The following NELFCD variants were observed in gnomAD, a reference collection of about 807,000 sequenced individuals.
NELFCD encodes negative elongation factor C/D.
NELFCD carries 48 observed loss-of-function variants against 72.9 expected under a neutral mutation model. The ratio of observed to expected loss-of-function variants is 0.66; its 90% confidence interval spans 0.52 to 0.84. The LOEUF (loss-of-function observed/expected upper bound fraction) is 0.84, where lower values mean the gene tolerates loss of function less well. Ranked by LOEUF, NELFCD falls within the 40% of genes least tolerant of loss-of-function variation. The pLI is 0.00. For synonymous variants in NELFCD, 297 were observed against 280.6 expected, an observed-to-expected ratio of 1.06 and a Z score of -0.59; for missense variants, 538 against 723.8, an observed-to-expected ratio of 0.74 and a Z score of 2.94.
chr20:58,982,614 C>T (rs937572870), intron 1 of NELFCD, among the ~76,000 whole-genome samples: 10 of 152,146 alleles, frequency 6.6e-5, no homozygotes, highest in Non-Finnish European at 1.3e-4. Flanking sequence ...AATGCCAAGG[C>T]GGGCGATGTG....
intron 14 of NELFCD, 115 bp from the exon 15 acceptor site, chr20:58,994,527 A>G: frequency 2.2e-6 from 2 of 892,260 alleles, no homozygotes; most frequent in South Asian, 3.1e-5. Context: ...GCGCCATTGC[A>G]CTCTATCCTG....
In NELFCD at chr20:58,989,980, C is replaced by G; in HGVS notation, c.780C>G (p.Ala260=). ...RRIAQEVQRF[A]QEKGHDASQI... Reference sequence around the variant, plus strand: ...TCGCCCAGGAAGTGCAGCGCTTTGCCCAGGAGAAGTGAGAGGCCCTGTTTC... The same window carrying G: ...TCGCCCAGGAAGTGCAGCGCTTTGCGCAGGAGAAGTGAGAGGCCCTGTTTC... Residue 260 remains alanine (A), a synonymous_variant, in exon 7 of 15, where the codon GCC becomes GCG. Transcript: ENST00000652272. The G allele has an allele frequency of 6.2e-7, 1 of 1,612,814 alleles. No individual in the cohort carries two copies. Among genetic ancestry groups the G allele is most frequent in the Non-Finnish European group, 8.5e-7 (1 of 1,180,008 alleles).
chr20:58,981,333 C>T lies in NELFCD; in HGVS notation c.24C>T (p.Ser8=). The change falls in exon 1 of 15, where the codon AGC becomes AGT. Residue 8 remains serine, a synonymous_variant. Coordinates refer to ENST00000652272, the MANE Select transcript of NELFCD (RefSeq NM_198976.4). The part of the protein sequence containing the change: MDEDYYG[S]AAEWGDEADG... ...TCATGGACGAGGACTACTACGGGAG[C>T]GCGGCCGAGTGGGGCGACGAGGCTG... is the stretch of plus-strand genomic sequence containing the variant. 9.0e-7 allele frequency: 1 copy of T among 1,106,416 alleles called. No individual in the cohort carries two copies. The highest frequency in any genetic ancestry group is 4.0e-5 in the Admixed American group (1 of 24,836). 68.5% of individuals were successfully genotyped at this position (1,106,416 alleles called of 1,614,324 possible).
intron 7 of NELFCD, 59 bp downstream of exon 7, chr20:58,990,047 C>T: frequency 6.3e-7 from 1 of 1,586,950 alleles, no homozygotes. Context: ...AAAACCCTTC[C>T]CATGGCCCGT....
At chr20:58,991,738 A>G in intron 9 of NELFCD, 143 bp from the exon 10 acceptor site, 1 of 928,330 alleles carries the variant, frequency 1.1e-6, no homozygotes, top group Non-Finnish European at 1.6e-6. Flanking sequence ...ACACTGTGTG[A>G]CTGTGAAGTT....
At chr20:58,987,628 G>A in intron 3 of NELFCD, 80 bp from the exon 4 acceptor site, 1 of 1,130,604 alleles carries the variant, frequency 8.8e-7, no homozygotes, top group Non-Finnish European at 1.3e-6. Context: ...TTCACATAGA[G>A]ACTTTTGACC....
chr20:58,987,639 A>G, intron 3 of NELFCD, 69 bp from the exon 4 acceptor site: 1 of 1,281,464 alleles, frequency 7.8e-7, no homozygotes, highest in South Asian at 1.2e-5. Context: ...ACTTTTGACC[A>G]TTTGCTTTCT....
chr20:58,989,361 A>T, intron 5 of NELFCD, 127 bp from the exon 6 acceptor site: 4 of 1,065,224 alleles, frequency 3.8e-6, no homozygotes, highest in Non-Finnish European at 5.6e-6. Context: ...GTGAGGGCGG[A>T]GTGAAGGCCT....
intron 13 of NELFCD, 22 bp from the exon 14 acceptor site, chr20:58,994,088 C>T: frequency 1.9e-6 from 3 of 1,613,076 alleles, no homozygotes; most frequent in Non-Finnish European, 2.5e-6. Flanking sequence ...CGGAAGAAGT[C>T]ACCCTGTGCT....
chr20:58,983,837 C>G (rs1375965681), intron 1 of NELFCD, among the ~76,000 whole-genome samples: 1 of 152,152 alleles, frequency 6.6e-6, no homozygotes, highest in Non-Finnish European at 1.5e-5. Context: ...CAAGTTTGTG[C>G]AGTCAGACCT....
Position 58,986,222 on chromosome 20 carries a change from G to C in NELFCD, c.176+14G>C, listed in dbSNP as rs6026638. 847 of 1,543,446 alleles carry C rather than the reference G, an allele frequency of 5.5e-4. 6 individuals are homozygous for C. The African/African-American group carries it at 0.01, about 19-fold the overall frequency. The stretch of plus-strand genomic sequence containing the variant: ...CACTCTGAAGAGGTATGTGAGAAAG[G>C]TGTCTGTATTGGGAGGAGGCTGGGG... On this transcript the variant is annotated intron_variant, in intron 2 of 14. Coordinates refer to ENST00000652272, the MANE Select transcript of NELFCD (RefSeq NM_198976.4). The surrounding 1 kb of genome is among the most constrained non-coding windows in gnomAD (Gnocchi z 4.4).
Position 58,991,069 on chromosome 20 carries a change from T to G in NELFCD, c.948T>G (p.Val316=). 1 of 1,613,024 alleles carries G rather than the reference T, an allele frequency of 6.2e-7. No homozygotes were observed. Among genetic ancestry groups the G allele is most frequent in the Non-Finnish European group, 8.5e-7 (1 of 1,179,338 alleles). Residue 316 remains valine, a synonymous_variant, in exon 8 of 15, where the codon GTT becomes GTG. Transcript: ENST00000652272. ...KMFTSMDPPP[V]ELIRVPAFLD... The stretch of plus-strand genomic sequence containing the variant: ...TCACAAGCATGGACCCTCCTCCGGT[T>G]GAACTTGTAAGTTGCTTCTCAAGAA...
intron 9 of NELFCD, 190 bp from the exon 10 acceptor site, chr20:58,991,691 T>C: frequency 1.3e-6 from 1 of 750,616 alleles, no homozygotes; most frequent in Non-Finnish European, 2.1e-6. Context: ...CCGTAAGACA[T>C]GGACAAACAC....
chr20:58,986,718 T>G lies in NELFCD; in HGVS notation c.177-36T>G. ...ACCTTCCTGTTGTCCATCATTCCAT[T>G]CATTCGGGTGTAATTGCTGTTGTTA... On this transcript the variant is annotated intron_variant, in intron 2 of 14. Transcript: ENST00000652272. The surrounding 1 kb of genome is among the most constrained non-coding windows in gnomAD (Gnocchi z 4.4). The G allele has an allele frequency of 2.3e-6, 3 of 1,303,798 alleles. No homozygotes were observed. Among genetic ancestry groups the G allele is most frequent in the Non-Finnish European group, 3.3e-6 (3 of 896,926 alleles). 80.8% of individuals were successfully genotyped at this position (1,303,798 alleles called of 1,614,324 possible). A position where few individuals can be genotyped will look rare whatever the true frequency, so the allele number is the denominator to read the frequency against.
At chr20:58,988,117 G>A (rs977879271) in intron 4 of NELFCD, 23 of 347,606 alleles carry the variant, frequency 6.6e-5, no homozygotes, top group African/African-American at 4.2e-4. Flanking sequence ...TGGTGGATTC[G>A]TTTGGTTCCT....
In NELFCD at chr20:58,994,232, G is replaced by C. The variant is rs1240467020; in HGVS notation, c.1704G>C (p.Glu568Asp). 6.2e-7 allele frequency: 1 copy of C among 1,614,096 alleles called. No homozygotes were observed. Among genetic ancestry groups the C allele is most frequent in the South Asian group, 1.1e-5 (1 of 91,084 alleles). The part of the protein sequence containing the change: ...KTEGEHDPVT[E>D]FIAHCKSNFI... ...AAGGCGAGCATGACCCTGTGACGGA[G>C]TTTATAGGTGAGGCCGACTGCCTAG... The change falls in exon 14 of 15, where the codon GAG (glutamate) becomes GAC (aspartate). Residue 568 changes from glutamate (E) to aspartate (D), a missense_variant. Glu to Asp is a conservative substitution (Grantham distance 45). This residue lies in a region of NELFCD where 136 missense variants were observed against 154.0 expected (regional missense o/e 0.88). Coordinates refer to ENST00000652272, the MANE Select transcript of NELFCD (RefSeq NM_198976.4).
At chr20:58,981,980 A>T (rs1462457884) in intron 1 of NELFCD, among the ~76,000 whole-genome samples, 5 of 151,960 alleles carry the variant, frequency 3.3e-5, no homozygotes, top group African/African-American at 1.2e-4. Flanking sequence ...CACCCTGAGG[A>T]CAGGGACTGC....
In NELFCD at chr20:58,991,353, C is replaced by T; in HGVS notation, c.996C>T (p.Leu332=). The change falls in exon 9 of 15, where the codon CTC becomes CTT. Residue 332 remains leucine, a synonymous_variant. Coordinates refer to ENST00000652272, the MANE Select transcript of NELFCD (RefSeq NM_198976.4). ...TCCTGGACCTGTTCATGCAGTCACT[C>T]TTTAAACCAGGGGCTCGGATCAACC... ...PAFLDLFMQS[L]FKPGARINQD... is the part of the protein sequence containing the mutation. The T allele has an allele frequency of 1.9e-6, 3 of 1,614,232 alleles. No homozygotes were observed. Among genetic ancestry groups the T allele is most frequent in the Non-Finnish European group, 8.5e-7 (1 of 1,180,052 alleles).
intron 1 of NELFCD, among the ~76,000 whole-genome samples, chr20:58,984,970 G>C (rs2091761780): frequency 6.6e-6 from 1 of 152,208 alleles, no homozygotes; most frequent in South Asian, 2.1e-4. Flanking sequence ...GCTTTTACTG[G>C]GAAGTCATCG....
Sources: allele counts gnomAD v4.1 joint callset (sites outside exome capture counted in the v4.1 genomes callset), GRCh38; gene constraint gnomAD v4.1.1; regional missense constraint gnomAD v4.1.1; non-coding constraint Gnocchi (gnomAD v3.1); transcripts MANE v1.5; gene names NCBI Gene and HGNC (gene_info 2026-07-23, HGNC 2026-07-21).